The following SLC9A7 variants were observed in gnomAD, a reference collection of about 807,000 sequenced individuals.
SLC9A7 encodes sodium/hydrogen exchanger 7.
Under a neutral mutation model 52.6 loss-of-function variants are expected in SLC9A7, and 19 were observed. The observed-to-expected ratio is 0.36, with a 90% CI of 0.25 to 0.53. The LOEUF (loss-of-function observed/expected upper bound fraction) is 0.53. Among genes scored for constraint, SLC9A7 ranks in the 20% least tolerant of loss-of-function variants. SLC9A7 has a pLI of 0.91. For synonymous variants in SLC9A7, 226 were observed against 252.1 expected (o/e 0.90, Z 0.98); for missense variants, 455 against 597.9 (o/e 0.76, Z 2.49).
At chrX:46,671,413 ACCAC>A (rs1944019624) in intron 4 of SLC9A7, among the ~76,000 whole-genome samples, 1 of 106,154 alleles carries the variant, frequency 9.4e-6, no homozygotes, top group Non-Finnish European at 1.9e-5. Flanking sequence ...GGCGCCCGCC[ACCAC>A]TCCCGGCTAA....
At chrX:46,687,640 G>A (rs1361215306) in intron 1 of SLC9A7, among the ~76,000 whole-genome samples, 1 of 111,851 alleles carries the variant, frequency 8.9e-6, no homozygotes, top group Non-Finnish European at 1.9e-5. Flanking sequence ...TAGTTTCAAG[G>A]AGAATTCATT....
rs1264365294 is a variant in SLC9A7, at chrX:46,656,747, T to G, written c.1042-3033A>C. 5.4e-5 allele frequency among the ~76,000 whole-genome samples: 6 copies of G among 111,563 alleles called. No homozygotes were observed. In the East Asian group the frequency reaches 1.7e-3, roughly 31 times the overall value. On this transcript the variant is annotated intron_variant, in intron 7 of 16. Coordinates refer to ENST00000616978, the MANE Select transcript of SLC9A7 (RefSeq NM_001257291.2). ...TGAAAAGACCAAATCTACATCTGAT[T>G]GGTGTACCTGAAAGTGACAGGGAGA...
chrX:46,727,009 C>T (rs1170884390), intron 1 of SLC9A7, among the ~76,000 whole-genome samples: 2 of 111,906 alleles, frequency 1.8e-5, no homozygotes, highest in East Asian at 5.6e-4. Context: ...ATTATCTTAA[C>T]TCTTACTGTT....
At chrX:46,682,135 G>A in intron 2 of SLC9A7, among the ~76,000 whole-genome samples, 1 of 111,645 alleles carries the variant, frequency 9.0e-6, no homozygotes, top group Middle Eastern at 4.6e-3. Flanking sequence ...ACCCACAAAG[G>A]TCACCAGCTG....
At chrX:46,627,893 C>CA (rs1272813219) in intron 14 of SLC9A7, among the ~76,000 whole-genome samples, 2 of 109,852 alleles carry the variant, frequency 1.8e-5, no homozygotes, top group Non-Finnish European at 3.8e-5. Flanking sequence ...CCTGGAGAAA[C>CA]AAAAACAAAC....
At chrX:46,673,064 T>C (rs901961423) in intron 3 of SLC9A7, among the ~76,000 whole-genome samples, 54 of 111,932 alleles carry the variant, frequency 4.8e-4, no homozygotes, top group African/African-American at 1.7e-3. Flanking sequence ...GTGAAGGTGC[T>C]ATGTCATGAG....
At chrX:46,616,421 T>C (rs1019752002) in intron 15 of SLC9A7, among the ~76,000 whole-genome samples, 2 of 110,799 alleles carry the variant, frequency 1.8e-5, no homozygotes, top group African/African-American at 6.6e-5. Context: ...AATGCTGTTC[T>C]CTGGAGAACC....
rs763387438 is a variant in SLC9A7, at chrX:46,631,569, C to T, written c.1740+17G>A. The T allele has an allele frequency of 7.5e-6, 9 of 1,193,936 alleles. No homozygotes were observed. Among genetic ancestry groups the T allele is most frequent in the Non-Finnish European group, 9.1e-6 (8 of 881,203 alleles). ...CTCAAATGTCTTCCCCAGGAAGAAG[C>T]ATCTCTTGTGACTTACCCCTTGTAA... On this transcript the variant is annotated intron_variant, in intron 14 of 16. Coordinates refer to ENST00000616978, the MANE Select transcript of SLC9A7 (RefSeq NM_001257291.2).
chrX:46,702,453 A>G, intron 1 of SLC9A7, among the ~76,000 whole-genome samples: 1 of 111,257 alleles, frequency 9.0e-6, no homozygotes, highest in South Asian at 3.8e-4. Flanking sequence ...CCCCTCTCAT[A>G]GTACCCAGTG....
chrX:46,639,282 CT>C (rs767343953), intron 12 of SLC9A7, among the ~76,000 whole-genome samples: 7,259 of 96,160 alleles, frequency 0.075, 299 homozygotes, highest in Non-Finnish European at 0.12. Context: ...ATGCTTTCCT[CT>C]TTTTTTTTTT....
intron 1 of SLC9A7, among the ~76,000 whole-genome samples, chrX:46,723,314 AAAAG>A (rs1183674987): frequency 9.3e-5 from 10 of 107,949 alleles, no homozygotes; most frequent in African/African-American, 1.7e-4. Context: ...AAAAAAAAAA[AAAAG>A]AAAGAAAGAA....
At chrX:46,679,785 T>C in intron 2 of SLC9A7, 30 bp from the exon 3 acceptor site, 1 of 986,324 alleles carries the variant, frequency 1.0e-6, no homozygotes, top group Non-Finnish European at 1.4e-6. Flanking sequence ...AAAAAGCCAA[T>C]TTTTTATTTA....
At chrX:46,632,795 C>T (rs1943243439) in intron 13 of SLC9A7, among the ~76,000 whole-genome samples, 1 of 111,569 alleles carries the variant, frequency 9.0e-6, no homozygotes, top group African/African-American at 3.3e-5. Context: ...AGAGTCCTGA[C>T]CTGCTTTCAA....
At chrX:46,662,667 G>GAAACCA in intron 5 of SLC9A7, 24 bp from the exon 6 acceptor site, 1 of 1,138,014 alleles carries the variant, frequency 8.8e-7, no homozygotes, top group Non-Finnish European at 1.2e-6. Flanking sequence ...CGAAAGCACA[G>GAAACCA]AAATTAGTTT....
In SLC9A7 at chrX:46,743,976, C is replaced by T. The variant is rs150386986; in HGVS notation, c.325+14729G>A. ...GGTTCAGCAGCAAATAACAAAAACC[C>T]ATTTCTCTCTTACTTATAAGAAATA... On this transcript the variant is annotated intron_variant, in intron 1 of 16. Transcript: ENST00000616978. Among the ~76,000 whole-genome samples, 452 of 112,361 alleles carry T rather than the reference C, an allele frequency of 4.0e-3. 4 individuals are homozygous for T. Among genetic ancestry groups the T allele is most frequent in the African/African-American group, 0.014 (426 of 30,938 alleles).
intron 15 of SLC9A7, among the ~76,000 whole-genome samples, chrX:46,618,570 T>TTTCTGAAACAG (rs1175636205): frequency 3.6e-5 from 4 of 111,984 alleles, no homozygotes; most frequent in Non-Finnish European, 7.5e-5. Context: ...TAGGCAAAGA[T>TTTCTGAAACAG]TTCTGAAACA....
chrX:46,664,072 G>T (rs767649537), intron 5 of SLC9A7, among the ~76,000 whole-genome samples: 61 of 111,359 alleles, frequency 5.5e-4, no homozygotes, highest in African/African-American at 2.0e-3. Context: ...GGGCAATATC[G>T]CCCCTGACTG....
Position 46,666,925 on chromosome X carries a change from C to T in SLC9A7, c.793+2682G>A, listed in dbSNP as rs149946727. Among the ~76,000 whole-genome samples the T allele has an allele frequency of 1.3e-4, 15 of 112,313 alleles. No individual in the cohort carries two copies. The East Asian group carries it at 3.6e-3, about 27-fold the overall frequency. On this transcript the variant is annotated intron_variant, in intron 5 of 16. Transcript: ENST00000616978. ...GAAGATCTATTTCTCCACAGACACA[C>T]ATCTGGAGACAGTCACAGACAGCAC...
chrX:46,637,311 T>C (rs1298141492), intron 12 of SLC9A7, among the ~76,000 whole-genome samples: 2 of 112,170 alleles, frequency 1.8e-5, no homozygotes, highest in Non-Finnish European at 3.8e-5. Context: ...GCTCTTCCTC[T>C]TATAGGATAC....
Sources: allele counts gnomAD v4.1 joint callset (sites outside exome capture counted in the v4.1 genomes callset), GRCh38; gene constraint gnomAD v4.1.1; transcripts MANE v1.5; gene names NCBI Gene and HGNC (gene_info 2026-07-23, HGNC 2026-07-21).